The following CACNA2D1 variants were observed in gnomAD, a reference collection of about 807,000 sequenced individuals.
CACNA2D1 encodes calcium voltage-gated channel auxiliary subunit alpha2delta 1.
In CACNA2D1, 53 loss-of-function variants were observed where a neutral mutation model predicts 171.5. The observed-to-expected ratio is 0.31, with a 90% CI of 0.25 to 0.39. The LOEUF (loss-of-function observed/expected upper bound fraction) is 0.39, where lower values mean the gene tolerates loss of function less well. Among genes scored for constraint, CACNA2D1 ranks in the 10% least tolerant of loss-of-function variants. The pLI, the probability that CACNA2D1 is intolerant of heterozygous loss-of-function variation, is 1.00. For synonymous variants in CACNA2D1, 442 were observed against 443.1 expected (o/e 1.00, Z 0.03); for missense variants, 903 against 1,299.8 (o/e 0.69, Z 4.69).
At chr7:82,239,311 T>TAA (rs553716378) in intron 3 of CACNA2D1, among the ~76,000 whole-genome samples, 2 of 142,024 alleles carry the variant, frequency 1.4e-5, no homozygotes, top group African/African-American at 5.1e-5. Flanking sequence ...TGTACTGTTC[T>TAA]AAAAAAAAAA....
In CACNA2D1 at chr7:82,061,070, G is replaced by C. The variant is rs866655694; in HGVS notation, c.780-543C>G. ...ACTTGGTGACTTCACCTATGTGCAGGGCTGGCTCAACTCTAGGCAACTAAC... is the reference window on the plus strand; with the variant it reads ...ACTTGGTGACTTCACCTATGTGCAGCGCTGGCTCAACTCTAGGCAACTAAC... On this transcript the variant is annotated intron_variant, in intron 9 of 38. Coordinates refer to ENST00000356860, the MANE Select transcript of CACNA2D1 (RefSeq NM_000722.4). Among the ~76,000 whole-genome samples, 9 of 152,080 alleles carry C rather than the reference G, an allele frequency of 5.9e-5. No homozygotes were observed. The Middle Eastern group carries it at 0.01, about 172-fold the overall frequency.
chr7:82,237,444 T>G (rs1289740305), intron 3 of CACNA2D1, among the ~76,000 whole-genome samples: 2 of 151,944 alleles, frequency 1.3e-5, no homozygotes, highest in Non-Finnish European at 2.9e-5. Flanking sequence ...TTGTTTTTTT[T>G]CCTACCTCCA....
intron 3 of CACNA2D1, among the ~76,000 whole-genome samples, chr7:82,247,862 G>C (rs926406012): frequency 3.3e-5 from 5 of 152,134 alleles, no homozygotes; most frequent in Non-Finnish European, 5.9e-5. Flanking sequence ...ACTGAAATCT[G>C]GGCAGGGGAC....
chr7:82,044,393 T>C (rs75999066), intron 10 of CACNA2D1, among the ~76,000 whole-genome samples: 5,689 of 152,316 alleles, frequency 0.037, 336 homozygotes, highest in African/African-American at 0.12. Context: ...AATGTTTTAT[T>C]TTCTCTATTT....
chr7:82,149,787 C>T lies in CACNA2D1; in HGVS notation c.355-13111G>A, dbSNP rs371013261. ...ACTAAAAATACAAAAAAAAAACAAA[C>T]AAACAACAAAAAAAAAAACATTAGC... On this transcript the variant is annotated intron_variant, in intron 4 of 38. Transcript: ENST00000356860. Among the ~76,000 whole-genome samples, 33 of 123,078 alleles carry T rather than the reference C, an allele frequency of 2.7e-4. 3 individuals carry two copies. The East Asian group carries it at 7.4e-3, about 28-fold the overall frequency. 80.7% of individuals were successfully genotyped at this position (123,078 alleles called of 152,430 possible).
chr7:82,258,446 G>A (rs1018754689), intron 3 of CACNA2D1, among the ~76,000 whole-genome samples: 1 of 152,128 alleles, frequency 6.6e-6, no homozygotes, highest in African/African-American at 2.4e-5. Flanking sequence ...CAATTCTTGA[G>A]TATTCCTGGC....
intron 2 of CACNA2D1, among the ~76,000 whole-genome samples, chr7:82,345,213 C>T (rs1390616804): frequency 6.6e-6 from 1 of 152,076 alleles, no homozygotes; most frequent in Non-Finnish European, 1.5e-5. Context: ...ACTCAGAACG[C>T]TTATGTAAAT....
intron 7 of CACNA2D1, among the ~76,000 whole-genome samples, chr7:82,082,124 C>G (rs1192249057): frequency 6.6e-6 from 1 of 152,136 alleles, no homozygotes; most frequent in East Asian, 1.9e-4. Context: ...CTGTCAGTCC[C>G]TTGCTCCACT....
intron 3 of CACNA2D1, among the ~76,000 whole-genome samples, chr7:82,299,582 C>T (rs1812745286): frequency 6.6e-6 from 1 of 151,710 alleles, no homozygotes; most frequent in South Asian, 2.1e-4. Flanking sequence ...ATCACTTGAA[C>T]CTGGGAGGCG....
At chr7:82,319,203 G>A (rs931489069) in intron 3 of CACNA2D1, among the ~76,000 whole-genome samples, 1 of 152,034 alleles carries the variant, frequency 6.6e-6, no homozygotes, top group Admixed American at 6.6e-5. Flanking sequence ...CTATTTTAAG[G>A]TCTCATATAA....
chr7:82,113,916 A>G (rs1020751011), intron 6 of CACNA2D1, among the ~76,000 whole-genome samples: 3 of 152,208 alleles, frequency 2.0e-5, no homozygotes, highest in African/African-American at 7.2e-5. Context: ...GAAGATGCCA[A>G]TATTAAGATG....
At chr7:82,239,102 T>A (rs935028008) in intron 3 of CACNA2D1, among the ~76,000 whole-genome samples, 1 of 152,034 alleles carries the variant, frequency 6.6e-6, no homozygotes, top group African/African-American at 2.4e-5. Flanking sequence ...TACAATGAAT[T>A]TTAGTTACAT....
chr7:82,196,591 G>T (rs1798877735), intron 3 of CACNA2D1, among the ~76,000 whole-genome samples: 2 of 152,046 alleles, frequency 1.3e-5, no homozygotes, highest in Non-Finnish European at 2.9e-5. Context: ...TCTGTTTGTA[G>T]ATTTGTTTGC....
rs1325619624 is a variant in CACNA2D1 at position 82,288,128 on chromosome 7, C to T, written c.294+47007G>A. Reference sequence around the variant, plus strand: ...GTGCTGGGATTACAGGCGTGAGCCACCGCGCCCGGCCCCAAGTTTTTTATA... The same window carrying T: ...GTGCTGGGATTACAGGCGTGAGCCATCGCGCCCGGCCCCAAGTTTTTTATA... On this transcript the variant is annotated intron_variant, in intron 3 of 38. Transcript: ENST00000356860. 3.9e-5 allele frequency among the ~76,000 whole-genome samples: 6 copies of T among 152,140 alleles called. No individual in the cohort carries two copies. In the East Asian group the frequency reaches 1.2e-3, roughly 29 times the overall value.
chr7:82,142,042 AC>A (rs1345146937), intron 4 of CACNA2D1, among the ~76,000 whole-genome samples: 5 of 152,310 alleles, frequency 3.3e-5, no homozygotes, highest in African/African-American at 1.2e-4. Flanking sequence ...AAGGTTTCAC[AC>A]TCAAATACAC....
intron 10 of CACNA2D1, among the ~76,000 whole-genome samples, chr7:82,060,022 G>T (rs1282514453): frequency 1.0e-5 from 1 of 100,190 alleles, no homozygotes; most frequent in African/African-American, 3.7e-5. Context: ...GGGAGGGATA[G>T]CATTAGGAGA....
intron 3 of CACNA2D1, among the ~76,000 whole-genome samples, chr7:82,203,318 C>A (rs1225068170): frequency 6.6e-6 from 1 of 152,162 alleles, no homozygotes; most frequent in Non-Finnish European, 1.5e-5. Context: ...GACCGCTTGA[C>A]AGTACTGGGA....
intron 38 of CACNA2D1, among the ~76,000 whole-genome samples, chr7:81,955,436 T>C (rs2130049245): frequency 6.6e-6 from 1 of 152,326 alleles, no homozygotes; most frequent in Non-Finnish European, 1.5e-5. Flanking sequence ...GAGAAAATAA[T>C]ACTTCCTTTG....
chr7:82,317,680 G>T (rs534982631), intron 3 of CACNA2D1, among the ~76,000 whole-genome samples: 169 of 152,124 alleles, frequency 1.1e-3, no homozygotes, highest in African/African-American at 4.0e-3. Flanking sequence ...CTACTATTTA[G>T]AAGAGAAATT....
Sources: allele counts gnomAD v4.1 joint callset (sites outside exome capture counted in the v4.1 genomes callset), GRCh38; gene constraint gnomAD v4.1.1; transcripts MANE v1.5; gene names NCBI Gene and HGNC (gene_info 2026-07-23, HGNC 2026-07-21).